Variants in JAKMIP2 observed in about 807,000 individuals in gnomAD.
JAKMIP2 encodes janus kinase and microtubule-interacting protein 2.
In JAKMIP2, 25 loss-of-function variants were observed where a neutral mutation model predicts 115.0. That is an observed-to-expected ratio of 0.22 (90% CI 0.16 to 0.30). The LOEUF (loss-of-function observed/expected upper bound fraction) is 0.30, where lower values mean the gene tolerates loss of function less well. Ranked by LOEUF, JAKMIP2 falls within the 10% of genes least tolerant of loss-of-function variation. The pLI is 1.00. For synonymous variants in JAKMIP2, 334 were observed against 343.6 expected, an observed-to-expected ratio of 0.97 and a Z score of 0.31; for missense variants, 642 against 957.6, an observed-to-expected ratio of 0.67 and a Z score of 4.35.
chr5:147,625,168 A>G (rs990705871), intron 16 of JAKMIP2, among the ~76,000 whole-genome samples: 1 of 151,988 alleles, frequency 6.6e-6, no homozygotes, highest in African/African-American at 2.4e-5. Flanking sequence ...TTTAGTAGAG[A>G]CGGGGTTTCA....
At chr5:147,758,596 C>CA (rs1369771156) in intron 1 of JAKMIP2, among the ~76,000 whole-genome samples, 1 of 152,004 alleles carries the variant, frequency 6.6e-6, no homozygotes. Flanking sequence ...AAAAGTTCAA[C>CA]ATAATTGAAT....
In JAKMIP2 at chr5:147,719,127, G is replaced by A. The variant is rs551297217; in HGVS notation, c.-148-47173C>T. On this transcript the variant is annotated intron_variant, in intron 1 of 21. Transcript: ENST00000616793. ...TGTACCCAGTAGTCATTCAGGAGCA[G>A]GTTGTTCAGTTTCCATGTAGTTGAG... is the stretch of plus-strand genomic sequence containing the variant. 3.8e-4 allele frequency among the ~76,000 whole-genome samples: 50 copies of A among 132,866 alleles called. No individual in the cohort carries two copies. In the East Asian group the frequency reaches 9.5e-3, roughly 25 times the overall value. 87.2% of individuals were successfully genotyped at this position (132,866 alleles called of 152,430 possible).
At chr5:147,722,091 C>G (rs1477808972) in intron 1 of JAKMIP2, among the ~76,000 whole-genome samples, 2 of 152,146 alleles carry the variant, frequency 1.3e-5, no homozygotes, top group African/African-American at 4.8e-5. Flanking sequence ...GATGGTGTGA[C>G]ATTTTAAAGA....
chr5:147,775,916 G>A (rs932257903), intron 1 of JAKMIP2, among the ~76,000 whole-genome samples: 1 of 152,066 alleles, frequency 6.6e-6, no homozygotes, highest in African/African-American at 2.4e-5. Flanking sequence ...GTGAAGAGTA[G>A]GGAAAGCAAA....
intron 1 of JAKMIP2, among the ~76,000 whole-genome samples, chr5:147,757,481 C>T (rs1754789003): frequency 6.6e-6 from 1 of 152,056 alleles, no homozygotes; most frequent in South Asian, 2.1e-4. Context: ...AAGAGAGCTA[C>T]TCAAATCAAC....
chr5:147,619,615 C>T (rs1756752782), intron 18 of JAKMIP2, among the ~76,000 whole-genome samples: 1 of 152,106 alleles, frequency 6.6e-6, no homozygotes. Flanking sequence ...GAGGGTGGAG[C>T]ATAAGGAGAG....
Position 147,671,668 on chromosome 5 carries a change from C to A in JAKMIP2, c.129+10G>T. 1 of 1,414,930 alleles carries A rather than the reference C, an allele frequency of 7.1e-7. No homozygotes were observed. Among genetic ancestry groups the A allele is most frequent in the Admixed American group, 2.6e-5 (1 of 38,816 alleles). 87.6% of individuals were successfully genotyped at this position (1,414,930 alleles called of 1,614,324 possible). A position where few individuals can be genotyped will look rare whatever the true frequency, so the allele number is the denominator to read the frequency against. On this transcript the variant is annotated intron_variant, in intron 2 of 21. Coordinates refer to ENST00000616793, the MANE Select transcript of JAKMIP2 (RefSeq NM_001270941.2). ...TCTTAATGCCACGACCTCAGGTAGC[C>A]CTCGCTCACCTTGGACTTCTCTTGA...
Position 147,592,432 on chromosome 5 carries a change from C to T in JAKMIP2, c.*21-746G>A, listed in dbSNP as rs1755143815. Among the ~76,000 whole-genome samples, 7 of 152,328 alleles carry T rather than the reference C, an allele frequency of 4.6e-5. No individual in the cohort carries two copies. The South Asian group carries it at 1.4e-3, about 32-fold the overall frequency. ...CAGAGATGTCCCTGAAAAGGTGCTA[C>T]CCTGGGGATGTGCCAGTCAGGACTC... On this transcript the variant is annotated intron_variant, in intron 21 of 21. Transcript: ENST00000616793.
intron 13 of JAKMIP2, among the ~76,000 whole-genome samples, chr5:147,632,049 G>C (rs1484233046): frequency 1.3e-5 from 2 of 152,076 alleles, no homozygotes; most frequent in African/African-American, 2.4e-5. Context: ...AACATACACT[G>C]AACCAGATCC....
Position 147,721,242 on chromosome 5 carries a change from C to T in JAKMIP2, c.-148-49288G>A, listed in dbSNP as rs1263915627. ...CAGCTGCGTGCTGGGAGAACCACTG[C>T]TCTCTTCAAAGCTGTCAGACAGGGA... On this transcript the variant is annotated intron_variant, in intron 1 of 21. Coordinates refer to ENST00000616793, the MANE Select transcript of JAKMIP2 (RefSeq NM_001270941.2). Among the ~76,000 whole-genome samples, 8 of 151,892 alleles carry T rather than the reference C, an allele frequency of 5.3e-5. No individual in the cohort carries two copies. In the East Asian group the frequency reaches 1.2e-3, roughly 22 times the overall value.
chr5:147,776,038 A>G (rs1453209223), intron 1 of JAKMIP2, among the ~76,000 whole-genome samples: 2 of 152,210 alleles, frequency 1.3e-5, no homozygotes, highest in Non-Finnish European at 2.9e-5. Context: ...TATTATGTTT[A>G]AAGCTCAAAG....
intron 3 of JAKMIP2, among the ~76,000 whole-genome samples, chr5:147,659,231 G>A (rs1018821398): frequency 1.3e-5 from 2 of 152,192 alleles, no homozygotes; most frequent in African/African-American, 2.4e-5. Context: ...TGGGAAAAGC[G>A]TAGTACCTTG....
Position 147,671,969 on chromosome 5 carries a change from A to G in JAKMIP2, c.-148-15T>C. ...CCCTGGAAGCCCTGAGAAGAGGCAG[A>G]GATAGTAGTTATTGTTTTGGCAAAG... On this transcript the variant is annotated splice_polypyrimidine_tract_variant and intron_variant, in intron 1 of 21. Transcript: ENST00000616793. The G allele has an allele frequency of 7.9e-7, 1 of 1,264,328 alleles. No homozygotes were observed. Among genetic ancestry groups the G allele is most frequent in the African/African-American group, 1.5e-5 (1 of 65,192 alleles). The allele number at this position is 1,264,328 out of a possible 1,614,324, so 78.3% of individuals were successfully genotyped here.
At chr5:147,714,548 G>A (rs1440132265) in intron 1 of JAKMIP2, among the ~76,000 whole-genome samples, 1 of 152,186 alleles carries the variant, frequency 6.6e-6, no homozygotes, top group Admixed American at 6.5e-5. Context: ...GAATGGGGCT[G>A]AGGCAATGTT....
intron 1 of JAKMIP2, among the ~76,000 whole-genome samples, chr5:147,746,086 T>C (rs1754337235): frequency 6.6e-6 from 1 of 152,198 alleles, no homozygotes; most frequent in East Asian, 1.9e-4. Context: ...GTTTGTAATT[T>C]TGAGAGAATA....
At position 147,617,780 on chromosome 5, in the gene JAKMIP2, A is replaced by AT. The variant is rs1756660707; in HGVS notation, c.2346+130dup. The AT allele has an allele frequency of 3.1e-5, 21 of 666,726 alleles. No homozygotes were observed. In the South Asian group the frequency reaches 4.0e-4, roughly 13 times the overall value. 41.3% of individuals were successfully genotyped at this position (666,726 alleles called of 1,614,324 possible). A position where few individuals can be genotyped will look rare whatever the true frequency, so the allele number is the denominator to read the frequency against. ...TGCATGAAGGTAGAAAACAATGGTT[A>AT]TTTATTTTACTCTCTGAAAATAACT... is the stretch of plus-strand genomic sequence containing the variant. On this transcript the variant is annotated intron_variant, in intron 19 of 21. Transcript: ENST00000616793.
intron 3 of JAKMIP2, among the ~76,000 whole-genome samples, chr5:147,654,450 T>C (rs1364749726): frequency 6.6e-6 from 1 of 152,140 alleles, no homozygotes; most frequent in Non-Finnish European, 1.5e-5. Flanking sequence ...GCTGTATTCC[T>C]AGGTATTTTA....
chr5:147,614,154 C>T (rs1561847927), intron 19 of JAKMIP2, among the ~76,000 whole-genome samples: 1 of 152,266 alleles, frequency 6.6e-6, no homozygotes, highest in East Asian at 1.9e-4. Context: ...TGTTGGGCAC[C>T]TCCTTACATG....
rs1467578128 is a variant in JAKMIP2, at chr5:147,750,806, C to T, written c.-149+31650G>A. ...TCCTTATCAAGAGAGGAAGAAACAC[C>T]AGAGATCTCTCTCCTAGTGCACAGA... On this transcript the variant is annotated intron_variant, in intron 1 of 21. Coordinates refer to ENST00000616793, the MANE Select transcript of JAKMIP2 (RefSeq NM_001270941.2). Among the ~76,000 whole-genome samples, 5 of 151,978 alleles carry T rather than the reference C, an allele frequency of 3.3e-5. No individual in the cohort carries two copies. The East Asian group carries it at 9.7e-4, about 29-fold the overall frequency.
Sources: allele counts gnomAD v4.1 joint callset (sites outside exome capture counted in the v4.1 genomes callset), GRCh38; gene constraint gnomAD v4.1.1; transcripts MANE v1.5; gene names NCBI Gene and HGNC (gene_info 2026-07-23, HGNC 2026-07-21).